CSMD1: variants seen among roughly 807,000 people sequenced by gnomAD.
CSMD1 encodes the protein CUB and sushi domain-containing protein 1.
Under a neutral mutation model 417.5 loss-of-function variants are expected in CSMD1, and 213 were observed. The ratio of observed to expected loss-of-function variants is 0.51; its 90% confidence interval spans 0.46 to 0.57. The LOEUF (loss-of-function observed/expected upper bound fraction) is 0.57, where lower values mean the gene tolerates loss of function less well. Ranked by LOEUF, CSMD1 falls within the 20% of genes least tolerant of loss-of-function variation. The pLI is 0.00. For missense variants in CSMD1, 6,923 were observed against 4,529.7 expected, an observed-to-expected ratio of 1.53 and a Z score of -15.17; for synonymous variants, 2,862 against 1,736.8, an observed-to-expected ratio of 1.65 and a Z score of -16.11.
At chr8:3,512,985 T>C (rs867116688) in intron 10 of CSMD1, among the ~76,000 whole-genome samples, 39 of 152,270 alleles carry the variant, frequency 2.6e-4, no homozygotes, top group Middle Eastern at 3.4e-3. Context: ...TCTCCGTCCC[T>C]ATGAAAGGCA....
At chr8:4,879,010 G>C (rs894403715) in intron 1 of CSMD1, among the ~76,000 whole-genome samples, 2 of 151,900 alleles carry the variant, frequency 1.3e-5, no homozygotes, top group African/African-American at 4.8e-5. Flanking sequence ...TGAGGGCAAG[G>C]GACAGGATAT....
chr8:3,223,289 C>T (rs1798317669), intron 28 of CSMD1, among the ~76,000 whole-genome samples: 1 of 152,178 alleles, frequency 6.6e-6, no homozygotes, highest in African/African-American at 2.4e-5. Flanking sequence ...TTTCATTTTC[C>T]AGGCTCTATT....
chr8:4,252,386 C>G (rs1186810662), intron 3 of CSMD1, among the ~76,000 whole-genome samples: 1 of 152,152 alleles, frequency 6.6e-6, no homozygotes, highest in Admixed American at 6.5e-5. Flanking sequence ...TATGTATTGT[C>G]TTTTTCCAGT....
intron 32 of CSMD1, 124 bp downstream of exon 32, chr8:3,201,488 C>T: frequency 4.1e-6 from 2 of 487,762 alleles, no homozygotes; most frequent in Non-Finnish European, 3.6e-6. Context: ...TCTAAGCACA[C>T]ACGCAAATTC....
intron 26 of CSMD1, among the ~76,000 whole-genome samples, chr8:3,256,450 C>T (rs922876787): frequency 2.6e-5 from 4 of 152,186 alleles, no homozygotes; most frequent in East Asian, 3.8e-4. Flanking sequence ...TTGTCCCCTT[C>T]TCCTAACTTT....
chr8:4,780,514 A>G (rs1000305615), intron 1 of CSMD1, among the ~76,000 whole-genome samples: 2 of 152,176 alleles, frequency 1.3e-5, no homozygotes, highest in Non-Finnish European at 2.9e-5. Context: ...AGAAAAGAGA[A>G]ACGAACCTGC....
At chr8:3,586,037 T>C (rs1440303477) in intron 9 of CSMD1, 99 bp downstream of exon 9, 3 of 1,235,094 alleles carry the variant, frequency 2.4e-6, no homozygotes, top group African/African-American at 1.5e-5. Context: ...AATTCTACTC[T>C]TCCCATACAC....
At chr8:3,532,031 T>C (rs1295965158) in intron 10 of CSMD1, among the ~76,000 whole-genome samples, 1 of 152,224 alleles carries the variant, frequency 6.6e-6, no homozygotes, top group East Asian at 1.9e-4. Context: ...TAAACAGTTT[T>C]TCATGCCCTG....
At chr8:4,815,874 C>T (rs1439478366) in intron 1 of CSMD1, among the ~76,000 whole-genome samples, 1 of 151,956 alleles carries the variant, frequency 6.6e-6, no homozygotes, top group Non-Finnish European at 1.5e-5. Context: ...AGTGGGACTG[C>T]TTTGTGTGAA....
At chr8:3,900,290 CGTGACACTGTAGCTGG>C (rs1304618146) in intron 5 of CSMD1, among the ~76,000 whole-genome samples, 1 of 138,726 alleles carries the variant, frequency 7.2e-6, no homozygotes, top group Non-Finnish European at 1.6e-5. Flanking sequence ...AGTGCAGCTG[CGTGACACTGTAGCTGG>C]GTGACAGTGC....
At chr8:3,522,873 T>C (rs576211848) in intron 10 of CSMD1, among the ~76,000 whole-genome samples, 24 of 149,886 alleles carry the variant, frequency 1.6e-4, no homozygotes, top group South Asian at 8.3e-4. Flanking sequence ...ATGTAAATTA[T>C]ATTAAATATT....
At chr8:3,902,547 A>T (rs535625947) in intron 5 of CSMD1, among the ~76,000 whole-genome samples, 1 of 152,116 alleles carries the variant, frequency 6.6e-6, no homozygotes, top group African/African-American at 2.4e-5. Flanking sequence ...GGAGCTCACA[A>T]CCTACATCCA....
intron 5 of CSMD1, among the ~76,000 whole-genome samples, chr8:3,822,739 C>T (rs1338090269): frequency 6.6e-6 from 1 of 152,060 alleles, no homozygotes; most frequent in African/African-American, 2.4e-5. Context: ...TTTTGTTTGG[C>T]ACCAAAGTGG....
chr8:3,385,877 G>A (rs1280570238), intron 18 of CSMD1, among the ~76,000 whole-genome samples: 1 of 151,874 alleles, frequency 6.6e-6, no homozygotes, highest in Non-Finnish European at 1.5e-5. Context: ...GGCTGGGTAT[G>A]CATAGTCCAT....
chr8:4,780,204 G>C (rs552649543), intron 1 of CSMD1, among the ~76,000 whole-genome samples: 6 of 152,228 alleles, frequency 3.9e-5, no homozygotes, highest in Admixed American at 6.5e-5. Context: ...GGGATTATGT[G>C]TAAAAATGCA....
chr8:3,642,339 C>A (rs1293709061), intron 7 of CSMD1, among the ~76,000 whole-genome samples: 2 of 152,104 alleles, frequency 1.3e-5, no homozygotes, highest in South Asian at 2.1e-4. Context: ...CACCTTGGTG[C>A]TGTGGGGAGA....
chr8:4,292,199 G>C (rs1342251179), intron 3 of CSMD1, among the ~76,000 whole-genome samples: 2 of 152,122 alleles, frequency 1.3e-5, no homozygotes, highest in Non-Finnish European at 2.9e-5. Flanking sequence ...TTATTTATTT[G>C]TATATGCTGC....
At chr8:4,393,939 C>T (rs1356564888) in intron 3 of CSMD1, among the ~76,000 whole-genome samples, 1 of 152,160 alleles carries the variant, frequency 6.6e-6, no homozygotes, top group Non-Finnish European at 1.5e-5. Context: ...AAGATATTGC[C>T]TGTGTTTCAG....
intron 8 of CSMD1, among the ~76,000 whole-genome samples, chr8:3,601,750 T>C (rs993687678): frequency 3.3e-5 from 5 of 152,200 alleles, no homozygotes; most frequent in African/African-American, 1.2e-4. Context: ...AACCAGTGCA[T>C]TGATTTGGGG....
Sources: gnomAD v4.1 joint callset for allele counts (sites outside exome capture counted in the v4.1 genomes callset) on GRCh38, gnomAD v4.1.1 for gene constraint, MANE v1.5 for transcripts, NCBI Gene and HGNC (gene_info 2026-07-23, HGNC 2026-07-21) for gene names.